Variants in UBR2 observed in about 807,000 individuals in gnomAD.
UBR2 encodes E3 ubiquitin-protein ligase UBR2.
A neutral mutation model predicts 247.9 loss-of-function variants in UBR2; 92 were observed. The ratio of observed to expected loss-of-function variants is 0.37; its 90% confidence interval spans 0.31 to 0.44. The LOEUF is 0.44. UBR2 is among the 20% of genes least tolerant of loss of function. The pLI, the probability that UBR2 is intolerant of heterozygous loss-of-function variation, is 1.00. For synonymous variants in UBR2, 672 were observed against 693.5 expected (o/e 0.97, Z 0.49); for missense variants, 1,613 against 2,112.6 (o/e 0.76, Z 4.64).
chr6:42,594,738 T>C (rs575792208), intron 4 of UBR2, among the ~76,000 whole-genome samples: 25 of 152,320 alleles, frequency 1.6e-4, no homozygotes, highest in African/African-American at 5.8e-4. Flanking sequence ...TATCATTGGT[T>C]ATGTGATGGG....
At chr6:42,686,907 G>A (rs1207147029) in intron 44 of UBR2, among the ~76,000 whole-genome samples, 4 of 150,588 alleles carry the variant, frequency 2.7e-5, no homozygotes, top group African/African-American at 4.9e-5. Flanking sequence ...GGGCAGAGGC[G>A]CTCCTCACAT....
chr6:42,642,937 ACT>A (rs1477110339), intron 18 of UBR2, among the ~76,000 whole-genome samples: 1 of 151,534 alleles, frequency 6.6e-6, no homozygotes, highest in Non-Finnish European at 1.5e-5. Flanking sequence ...TACATCTTAA[ACT>A]CTGCGTATTT....
In UBR2 at chr6:42,678,561, G is replaced by A. The variant is rs375384984; in HGVS notation, c.4501G>A (p.Gly1501Ser). 235 of 1,608,496 alleles carry A rather than the reference G, an allele frequency of 1.5e-4. No individual in the cohort carries two copies. Among genetic ancestry groups the A allele is most frequent in the Admixed American group, 1.4e-4 (8 of 59,074 alleles). Residue 1501 changes from glycine to serine, a missense_variant, in exon 41 of 47, where the codon GGC becomes AGC. Coordinates refer to ENST00000372901, the MANE Select transcript of UBR2 (RefSeq NM_001363705.2). ...TAGTGCCTTGAAAGAAATACCATCCGGCTGGCATCTGTGGAGGAGTGTCAG... is the reference window on the plus strand; with the variant it reads ...TAGTGCCTTGAAAGAAATACCATCCAGCTGGCATCTGTGGAGGAGTGTCAG... ...TGSALKEIPS[G>S]WHLWRSVRAG...
At position 42,659,866 on chromosome 6, in the gene UBR2, G is replaced by A. The variant is rs747591594; in HGVS notation, c.3442+11G>A. On this transcript the variant is annotated intron_variant, in intron 30 of 46. Coordinates refer to ENST00000372901, the MANE Select transcript of UBR2 (RefSeq NM_001363705.2). This position sits in a 1 kb window ranked among gnomAD's most constrained non-coding sequence, Gnocchi z 4.3. ...TTATTCAAGATCCAGGTAAGTCATAGCTAGATCCTCATCTTCCCTTTTAAT... is the reference window on the plus strand; with the variant it reads ...TTATTCAAGATCCAGGTAAGTCATAACTAGATCCTCATCTTCCCTTTTAAT... 4 of 1,611,798 alleles carry A rather than the reference G, an allele frequency of 2.5e-6. No individual in the cohort carries two copies. The South Asian group carries it at 4.4e-5, about 18-fold the overall frequency.
intron 10 of UBR2, chr6:42,617,178 A>C: frequency 6.6e-7 from 1 of 1,505,894 alleles, no homozygotes; most frequent in Non-Finnish European, 9.2e-7. Context: ...CTGACTTTTC[A>C]TTATAATCCT....
Position 42,623,492 on chromosome 6 carries a change from C to T in UBR2, c.1281+5985C>T, listed in dbSNP as rs921128750. On this transcript the variant is annotated intron_variant, in intron 11 of 46. Transcript: ENST00000372901. Reference sequence around the variant, plus strand: ...TTTGAGACGGAGCCTCACTCTGTCGCGCAGGCTGGAGTGCAGTGGTGTGAT... The same window carrying T: ...TTTGAGACGGAGCCTCACTCTGTCGTGCAGGCTGGAGTGCAGTGGTGTGAT... 7.9e-5 allele frequency among the ~76,000 whole-genome samples: 12 copies of T among 152,232 alleles called. No individual in the cohort carries two copies. In the East Asian group the frequency reaches 9.7e-4, roughly 12 times the overall value.
Position 42,564,337 on chromosome 6 carries a change from G to A in UBR2, c.18G>A (p.Glu6=), listed in dbSNP as rs772340677. 1 of 1,612,040 alleles carries A rather than the reference G, an allele frequency of 6.2e-7. No individual in the cohort carries two copies. Among genetic ancestry groups the A allele is most frequent in the Non-Finnish European group, 8.5e-7 (1 of 1,179,318 alleles). The change falls in exon 1 of 47, where the codon GAG becomes GAA. Residue 6 remains glutamate, a synonymous_variant. Transcript: ENST00000372901. ...GAGAGAAGATGGCGTCGGAGCTAGA[G>A]CCAGAGGTGCAGGCCATCGACCGGA... is the stretch of plus-strand genomic sequence containing the variant. MASEL[E]PEVQAIDRSL...
At chr6:42,645,683 A>C in intron 21 of UBR2, 93 bp downstream of exon 21, 2 of 1,328,734 alleles carry the variant, frequency 1.5e-6, no homozygotes, top group Non-Finnish European at 1.0e-6. Flanking sequence ...TACCTTTCTC[A>C]CAATTGTAAA....
chr6:42,596,849 G>A (rs1793008161), intron 4 of UBR2, among the ~76,000 whole-genome samples: 1 of 152,160 alleles, frequency 6.6e-6, no homozygotes, highest in African/African-American at 2.4e-5. Context: ...GAGAGAAATG[G>A]CTTAGTAGGT....
intron 7 of UBR2, among the ~76,000 whole-genome samples, chr6:42,609,843 T>C (rs1793949490): frequency 6.8e-6 from 1 of 147,456 alleles, no homozygotes; most frequent in Non-Finnish European, 1.5e-5. Flanking sequence ...TGCAGTGAGC[T>C]GTTATCAACA....
chr6:42,644,107 A>G, intron 18 of UBR2, 107 bp from the exon 19 acceptor site: 1 of 1,158,692 alleles, frequency 8.6e-7, no homozygotes, highest in Non-Finnish European at 1.2e-6. Flanking sequence ...GGATTGGTAA[A>G]CTGCTTTCTC....
At chr6:42,619,416 TA>T (rs1162421341) in intron 11 of UBR2, 1 of 11,874 alleles carries the variant, frequency 8.4e-5, no homozygotes, top group African/African-American at 3.7e-4. Flanking sequence ...TATGAACATA[TA>T]TATATATATA....
chr6:42,570,452 C>T (rs1371145373), intron 1 of UBR2, among the ~76,000 whole-genome samples: 2 of 152,000 alleles, frequency 1.3e-5, no homozygotes, highest in Non-Finnish European at 2.9e-5. Flanking sequence ...ATGGTGGTCT[C>T]GAACTCCTGG....
At chr6:42,574,640 A>G (rs190014220) in intron 2 of UBR2, among the ~76,000 whole-genome samples, 21 of 151,154 alleles carry the variant, frequency 1.4e-4, no homozygotes, top group African/African-American at 3.2e-4. Flanking sequence ...TGACTGTCCA[A>G]TTTTCCAGAA....
intron 8 of UBR2, among the ~76,000 whole-genome samples, chr6:42,614,415 C>G (rs36195874): frequency 1.1e-5 from 1 of 89,184 alleles, no homozygotes; most frequent in Non-Finnish European, 2.2e-5. Flanking sequence ...TATGTATGTA[C>G]GTACGTACAT....
chr6:42,585,901 C>A (rs997702229), intron 2 of UBR2, among the ~76,000 whole-genome samples: 1 of 151,892 alleles, frequency 6.6e-6, no homozygotes, highest in Non-Finnish European at 1.5e-5. Context: ...TCTTATTATT[C>A]TTCCTTCTGC....
intron 18 of UBR2, 124 bp from the exon 19 acceptor site, chr6:42,644,090 C>A: frequency 3.2e-6 from 3 of 938,936 alleles, no homozygotes; most frequent in Non-Finnish European, 4.7e-6. Flanking sequence ...GATTGGTGAA[C>A]CTTTTAGGAT....
intron 1 of UBR2, among the ~76,000 whole-genome samples, chr6:42,572,978 G>A (rs917584662): frequency 1.3e-5 from 2 of 152,144 alleles, no homozygotes; most frequent in South Asian, 4.1e-4. Flanking sequence ...GTGCTGGGAA[G>A]CTTTTCAGAT....
rs182207673 is a variant in UBR2, at chr6:42,642,472, A to G, written c.2088A>G (p.Val696=). The change falls in exon 18 of 47, where the codon GTA becomes GTG. Residue 696 remains valine, a synonymous_variant. Coordinates refer to ENST00000372901, the MANE Select transcript of UBR2 (RefSeq NM_001363705.2). ...CRREMFDKDV[V]MLQTGVSMMD... is the part of the protein sequence containing the mutation. The stretch of plus-strand genomic sequence containing the variant: ...GTGAGATGTTTGACAAGGATGTAGT[A>G]ATGCTTCAGGTAATGAATTAAAAGC... 222 of 1,610,758 alleles carry G rather than the reference A, an allele frequency of 1.4e-4. 1 individual carries two copies. In the Middle Eastern group the frequency reaches 2.5e-3, roughly 18 times the overall value.
Sources: allele counts gnomAD v4.1 joint callset (sites outside exome capture counted in the v4.1 genomes callset), GRCh38; gene constraint gnomAD v4.1.1; non-coding constraint Gnocchi (gnomAD v3.1); transcripts MANE v1.5; gene names NCBI Gene and HGNC (gene_info 2026-07-23, HGNC 2026-07-21).